Variants in MCC observed in about 807,000 individuals in gnomAD.
MCC encodes the protein MCC regulator of Wnt signaling pathway, also known as colorectal mutant cancer protein.
MCC carries 90 observed loss-of-function variants against 116.2 expected under a neutral mutation model. That is an observed-to-expected ratio of 0.77 (90% CI 0.65 to 0.92). MCC has a LOEUF of 0.92. Among genes scored for constraint, MCC ranks in the 40% least tolerant of loss-of-function variants. The probability of loss-of-function intolerance (pLI) is 0.00; values close to 1 mark genes in which losing one functional copy is unlikely to be tolerated. For missense variants in MCC, 1,516 were observed against 1,312.2 expected, an observed-to-expected ratio of 1.16 and a Z score of -2.40; for synonymous variants, 578 against 510.5, an observed-to-expected ratio of 1.13 and a Z score of -1.78.
chr5:113,327,587 A>ATATATATAT (rs1561525261), intron 3 of MCC, among the ~76,000 whole-genome samples: 10 of 96,628 alleles, frequency 1.0e-4, no homozygotes, highest in African/African-American at 3.3e-4. Flanking sequence ...TATATATATA[A>ATATATATAT]AAATCTCATC....
intron 3 of MCC, among the ~76,000 whole-genome samples, chr5:113,318,747 G>A (rs1269796407): frequency 6.6e-6 from 1 of 152,086 alleles, no homozygotes; most frequent in Non-Finnish European, 1.5e-5. Context: ...CTTAATACCT[G>A]ATGAAATAAT....
chr5:113,381,572 G>A (rs1769122442), intron 2 of MCC, among the ~76,000 whole-genome samples: 1 of 152,086 alleles, frequency 6.6e-6, no homozygotes, highest in African/African-American at 2.4e-5. Context: ...AAGATGGCTT[G>A]AGTCCAAGAG....
At position 113,219,479 on chromosome 5, in the gene MCC, T is replaced by C. The variant is rs568053107; in HGVS notation, c.628-68057A>G. On this transcript the variant is annotated intron_variant, in intron 3 of 18. Coordinates refer to ENST00000408903, the MANE Select transcript of MCC (RefSeq NM_001085377.2). ...TGGTGTTAACATGTTTTTATTTTCCTAATAGCTTATTTGAAAAAAGGTGAT... is the reference window on the plus strand; with the variant it reads ...TGGTGTTAACATGTTTTTATTTTCCCAATAGCTTATTTGAAAAAAGGTGAT... Among the ~76,000 whole-genome samples, 3 of 152,348 alleles carry C rather than the reference T, an allele frequency of 2.0e-5. No individual in the cohort carries two copies. The South Asian group carries it at 6.2e-4, about 32-fold the overall frequency.
intron 3 of MCC, among the ~76,000 whole-genome samples, chr5:113,206,692 G>C (rs886710337): frequency 1.3e-5 from 2 of 152,238 alleles, no homozygotes; most frequent in Non-Finnish European, 1.5e-5. Context: ...CTGTGCGACA[G>C]AGCGAGACTG....
At chr5:113,214,409 C>T (rs573433368) in intron 3 of MCC, among the ~76,000 whole-genome samples, 75 of 152,318 alleles carry the variant, frequency 4.9e-4, no homozygotes, top group African/African-American at 1.7e-3. Context: ...TCATTCGCTG[C>T]GCTCCTATAC....
In MCC at chr5:113,470,851, CCA is replaced by C. The variant is rs1554086362; in HGVS notation, c.170+17392_170+17393del. Among the ~76,000 whole-genome samples the C allele has an allele frequency of 4.3e-3, 658 of 152,234 alleles. 6 individuals carry two copies. Among genetic ancestry groups the C allele is most frequent in the African/African-American group, 0.015 (609 of 41,526 alleles). ...GTAGATTTGGTCTTTTCACATAGTC[CCA>C]TATTTCTTGGAGACTTTGTTCGTTT... On this transcript the variant is annotated intron_variant, in intron 1 of 18. Coordinates refer to ENST00000408903, the MANE Select transcript of MCC (RefSeq NM_001085377.2).
At chr5:113,397,027 C>CAG (rs781085139) in intron 1 of MCC, among the ~76,000 whole-genome samples, 4 of 152,070 alleles carry the variant, frequency 2.6e-5, no homozygotes, top group African/African-American at 4.8e-5. Context: ...AAAGGGAAAC[C>CAG]AGAGAGACAC....
intron 3 of MCC, among the ~76,000 whole-genome samples, chr5:113,257,251 G>A (rs117364702): frequency 6.6e-6 from 1 of 152,274 alleles, no homozygotes; most frequent in East Asian, 1.9e-4. Flanking sequence ...TGGGTCCAGA[G>A]TTCAGGCTGG....
intron 3 of MCC, among the ~76,000 whole-genome samples, chr5:113,290,688 G>C (rs997654257): frequency 2.6e-5 from 4 of 152,178 alleles, no homozygotes; most frequent in African/African-American, 9.7e-5. Context: ...TGATCTAAAA[G>C]TCACGACCAC....
At chr5:113,114,713 G>A (rs985966064) in intron 6 of MCC, among the ~76,000 whole-genome samples, 2 of 152,168 alleles carry the variant, frequency 1.3e-5, no homozygotes, top group Admixed American at 6.5e-5. Context: ...TCAGAGCGAT[G>A]GCTTGACACC....
intron 3 of MCC, among the ~76,000 whole-genome samples, chr5:113,221,020 T>A (rs891972279): frequency 5.9e-5 from 9 of 152,186 alleles, no homozygotes; most frequent in African/African-American, 2.2e-4. Context: ...CTGGGCAGCA[T>A]GGCAAAACCA....
chr5:113,043,647 C>A lies in MCC; in HGVS notation c.2656-17G>T. 1.3e-6 allele frequency: 2 copies of A among 1,587,192 alleles called. No homozygotes were observed. The highest frequency in any genetic ancestry group is 1.7e-6 in the Non-Finnish European group (2 of 1,156,046). On this transcript the variant is annotated splice_polypyrimidine_tract_variant and intron_variant, in intron 16 of 18. Transcript: ENST00000408903. ...AGCACACTCCTGACAACAGCAAACA[C>A]ATTCCAGTTAGGCCTGAATCCAAGC...
chr5:113,367,215 T>G (rs530693100), intron 2 of MCC, among the ~76,000 whole-genome samples: 1 of 152,214 alleles, frequency 6.6e-6, no homozygotes, highest in Non-Finnish European at 1.5e-5. Context: ...CAAATTATTA[T>G]AATGAAAATA....
intron 16 of MCC, among the ~76,000 whole-genome samples, chr5:113,046,185 G>A (rs1752057097): frequency 6.6e-6 from 1 of 151,382 alleles, no homozygotes; most frequent in South Asian, 2.1e-4. Flanking sequence ...TTTTCCATAG[G>A]ATAAATTTTC....
chr5:113,431,572 G>C lies in MCC; in HGVS notation c.171-46360C>G, dbSNP rs913092975. Among the ~76,000 whole-genome samples the C allele has an allele frequency of 2.2e-4, 33 of 152,134 alleles. 2 individuals carry two copies. The highest frequency in any genetic ancestry group is 2.0e-3 in the Admixed American group (31 of 15,288). On this transcript the variant is annotated intron_variant, in intron 1 of 18. Transcript: ENST00000408903. ...ATGGGGTGGGTGAAGGGCTTCCTGG[G>C]GCATTAGAAAGCTAGAGGCAGAGAT...
chr5:113,323,799 T>C (rs999838467), intron 3 of MCC, among the ~76,000 whole-genome samples: 6 of 152,138 alleles, frequency 3.9e-5, no homozygotes, highest in Non-Finnish European at 2.9e-5. Flanking sequence ...AGCAGGAGGA[T>C]CACTCAAGCC....
At chr5:113,069,084 A>G (rs1471359491) in intron 12 of MCC, among the ~76,000 whole-genome samples, 1 of 152,264 alleles carries the variant, frequency 6.6e-6, no homozygotes, top group African/African-American at 2.4e-5. Context: ...AAAATGAAAA[A>G]GTCCATTCCT....
At chr5:113,036,251 C>T (rs929138146) in intron 17 of MCC, among the ~76,000 whole-genome samples, 2 of 151,862 alleles carry the variant, frequency 1.3e-5, no homozygotes, top group African/African-American at 2.4e-5. Context: ...TTGGCCAGGC[C>T]AGTCTTGAAT....
intron 8 of MCC, among the ~76,000 whole-genome samples, chr5:113,091,110 C>G (rs954209396): frequency 1.3e-5 from 2 of 152,216 alleles, no homozygotes; most frequent in African/African-American, 2.4e-5. Context: ...GTGCTGTCCA[C>G]AGAAGGAATC....
Sources: gnomAD v4.1 joint callset for allele counts (sites outside exome capture counted in the v4.1 genomes callset) on GRCh38, gnomAD v4.1.1 for gene constraint, MANE v1.5 for transcripts, NCBI Gene and HGNC (gene_info 2026-07-23, HGNC 2026-07-21) for gene names.